Variants in CSMD2 observed in about 807,000 individuals in gnomAD.
CSMD2 encodes the protein CUB and sushi domain-containing protein 2.
Under a neutral mutation model 398.5 loss-of-function variants are expected in CSMD2, and 130 were observed. That is an observed-to-expected ratio of 0.33 (90% CI 0.28 to 0.38). CSMD2 has a LOEUF of 0.38. Ranked by LOEUF, CSMD2 falls within the 10% of genes least tolerant of loss-of-function variation. The pLI, the probability that CSMD2 is intolerant of heterozygous loss-of-function variation, is 1.00. For missense variants in CSMD2, 3,829 were observed against 4,764.9 expected, an observed-to-expected ratio of 0.80 and a Z score of 5.78; for synonymous variants, 1,828 against 1,908.5, an observed-to-expected ratio of 0.96 and a Z score of 1.10.
rs1393395636 is a variant in CSMD2 at position 33,514,729 on chromosome 1, A to AGAG, written c.*1892_*1894dup. On this transcript the variant is annotated 3_prime_UTR_variant, in exon 71 of 71. Coordinates refer to ENST00000373381, the MANE Select transcript of CSMD2 (RefSeq NM_001281956.2). ...TTGTTTCCAGCCAAGGAAAGAGATG[A>AGAG]GAGTGTGAGTGTGTCTGGATTGGCC... 3 of 152,410 alleles carry AGAG rather than the reference A, an allele frequency of 2.0e-5. No individual in the cohort carries two copies. Among genetic ancestry groups the AGAG allele is most frequent in the Non-Finnish European group, 4.4e-5 (3 of 68,316 alleles). The allele number at this position is 152,410 out of a possible 1,614,324, so 9.4% of individuals were successfully genotyped here. A position where few individuals can be genotyped will look rare whatever the true frequency, so the allele number is the denominator to read the frequency against.
intron 3 of CSMD2, among the ~76,000 whole-genome samples, chr1:33,941,789 T>C (rs78679177): frequency 6.6e-6 from 1 of 152,112 alleles, no homozygotes; most frequent in African/African-American, 2.4e-5. Flanking sequence ...CTATACTTGC[T>C]GTCTCCATTT....
At chr1:33,672,852 G>C (rs1644558516) in intron 25 of CSMD2, among the ~76,000 whole-genome samples, 1 of 152,180 alleles carries the variant, frequency 6.6e-6, no homozygotes, top group East Asian at 1.9e-4. Flanking sequence ...AGGCAAACAG[G>C]GTCTGGAGTG....
At chr1:34,080,707 G>A (rs1316657467) in intron 2 of CSMD2, among the ~76,000 whole-genome samples, 1 of 151,960 alleles carries the variant, frequency 6.6e-6, no homozygotes, top group Non-Finnish European at 1.5e-5. Context: ...GTCTCTTAAT[G>A]TTTTTATTAT....
chr1:34,082,158 C>T (rs1657255295), intron 2 of CSMD2, among the ~76,000 whole-genome samples: 1 of 150,278 alleles, frequency 6.7e-6, no homozygotes, highest in Admixed American at 6.6e-5. Context: ...AGCACCTCTG[C>T]CCGGCCGCCC....
intron 5 of CSMD2, among the ~76,000 whole-genome samples, chr1:33,907,277 C>T (rs1310766019): frequency 1.3e-5 from 2 of 151,272 alleles, no homozygotes; most frequent in African/African-American, 2.4e-5. Flanking sequence ...TGCCACCACG[C>T]CCAGCTAATT....
chr1:33,890,278 T>G (rs971462346), intron 5 of CSMD2, among the ~76,000 whole-genome samples: 1 of 147,052 alleles, frequency 6.8e-6, no homozygotes, highest in Admixed American at 7.0e-5. Context: ...TCACCCAGGC[T>G]GGAGTGCAGT....
intron 47 of CSMD2, 26 bp from the exon 48 acceptor site, chr1:33,580,925 C>T (rs772688036): frequency 6.8e-6 from 11 of 1,612,584 alleles, no homozygotes; most frequent in Middle Eastern, 3.4e-4. Context: ...CGCAGGATTA[C>T]AGACCATGGG....
At chr1:33,661,394 T>C (rs1374576075) in intron 26 of CSMD2, among the ~76,000 whole-genome samples, 1 of 152,164 alleles carries the variant, frequency 6.6e-6, no homozygotes, top group Non-Finnish European at 1.5e-5. Flanking sequence ...TGTTAGTCTC[T>C]TGAGATGGCC....
Position 33,845,582 on chromosome 1 carries a change from G to GAAA in CSMD2, c.1033+1299_1033+1301dup, listed in dbSNP as rs200353801. On this transcript the variant is annotated intron_variant, in intron 6 of 70. Coordinates refer to ENST00000373381, the MANE Select transcript of CSMD2 (RefSeq NM_001281956.2). Reference sequence around the variant, plus strand: ...CTTTTGTCTTTTGAGAAACACAGCAGAAAGATACAGACAGCTGTTCCACTC... The same window carrying GAAA: ...CTTTTGTCTTTTGAGAAACACAGCAGAAAAAAGATACAGACAGCTGTTCCACTC... 9.0e-3 allele frequency among the ~76,000 whole-genome samples: 1,375 copies of GAAA among 152,352 alleles called. 21 individuals carry two copies. Among genetic ancestry groups the GAAA allele is most frequent in the East Asian group, 0.034 (174 of 5,182 alleles).
In CSMD2 at chr1:33,936,041, G is replaced by C. The variant is rs1048335269; in HGVS notation, c.518-87C>G. The C allele has an allele frequency of 5.4e-6, 6 of 1,106,580 alleles. No homozygotes were observed. In the African/African-American group the frequency reaches 9.4e-5, roughly 17 times the overall value. The allele number at this position is 1,106,580 out of a possible 1,614,324, so 68.5% of individuals were successfully genotyped here. ...GGGCTTCCTAGTAGCAACTCCCTAG[G>C]CCACTCGGGCTTCCTGGAACTCATT... On this transcript the variant is annotated intron_variant, in intron 3 of 70. Transcript: ENST00000373381.
chr1:33,620,200 C>A (rs1220726380), intron 37 of CSMD2, among the ~76,000 whole-genome samples: 1 of 152,212 alleles, frequency 6.6e-6, no homozygotes, highest in Non-Finnish European at 1.5e-5. Flanking sequence ...GCATATTGCT[C>A]CATTTCCATT....
intron 2 of CSMD2, among the ~76,000 whole-genome samples, chr1:34,065,275 T>G (rs1010758722): frequency 1.1e-4 from 16 of 152,182 alleles, no homozygotes; most frequent in Non-Finnish European, 2.2e-4. Flanking sequence ...ACTTTCCTTC[T>G]TCGCCCCACT....
intron 25 of CSMD2, among the ~76,000 whole-genome samples, chr1:33,672,443 G>C (rs1353367226): frequency 1.3e-5 from 2 of 152,234 alleles, no homozygotes; most frequent in African/African-American, 4.8e-5. Context: ...CCAGGCTTGA[G>C]TAGGTAAACA....
chr1:33,877,054 T>G (rs1422900795), intron 5 of CSMD2, among the ~76,000 whole-genome samples: 1 of 151,924 alleles, frequency 6.6e-6, no homozygotes, highest in Non-Finnish European at 1.5e-5. Context: ...CTAAAGAGGG[T>G]AGGAGAATGA....
intron 1 of CSMD2, among the ~76,000 whole-genome samples, chr1:34,105,835 T>C (rs1035748031): frequency 2.0e-5 from 3 of 152,322 alleles, no homozygotes; most frequent in Middle Eastern, 3.4e-3. Context: ...TCTATGGAAA[T>C]ATCTGTGATC....
intron 1 of CSMD2, among the ~76,000 whole-genome samples, chr1:34,111,592 C>CA (rs1661083417): frequency 6.6e-6 from 1 of 152,206 alleles, no homozygotes; most frequent in South Asian, 2.1e-4. Flanking sequence ...TTAAACCTTC[C>CA]AATATCCCAA....
At chr1:33,789,829 T>C (rs1252880377) in intron 11 of CSMD2, among the ~76,000 whole-genome samples, 12 of 152,200 alleles carry the variant, frequency 7.9e-5, no homozygotes. Flanking sequence ...GGCTCCTGAC[T>C]CTGGGGTGCT....
chr1:33,906,696 A>T (rs1643111429), intron 5 of CSMD2, among the ~76,000 whole-genome samples: 1 of 152,166 alleles, frequency 6.6e-6, no homozygotes, highest in Non-Finnish European at 1.5e-5. Context: ...TAAGTTGGAG[A>T]TATTGGTGGT....
At chr1:33,974,529 C>T (rs1645889925) in intron 3 of CSMD2, among the ~76,000 whole-genome samples, 1 of 152,212 alleles carries the variant, frequency 6.6e-6, no homozygotes, top group African/African-American at 2.4e-5. Context: ...CTCCAACGAT[C>T]CCCATTTTAC....
Sources: gnomAD v4.1 joint callset for allele counts (sites outside exome capture counted in the v4.1 genomes callset) on GRCh38, gnomAD v4.1.1 for gene constraint, MANE v1.5 for transcripts, NCBI Gene and HGNC (gene_info 2026-07-23, HGNC 2026-07-21) for gene names.